The following RNF135 variants were observed in gnomAD, a reference collection of about 807,000 sequenced individuals.
The protein encoded by RNF135 is ring finger protein 135.
A neutral mutation model predicts 41.9 loss-of-function variants in RNF135; 46 were observed. The ratio of observed to expected loss-of-function variants is 1.10; its 90% confidence interval spans 0.87 to 1.40. The LOEUF is 1.40. RNF135 is among the 40% of genes most tolerant of loss of function. RNF135 has a pLI of 0.00. For synonymous variants in RNF135, 238 were observed against 223.8 expected (o/e 1.06, Z -0.57); for missense variants, 539 against 549.8 (o/e 0.98, Z 0.20).
At chr17:30,976,004 A>T (rs536460680) in intron 1 of RNF135, 13 of 340,642 alleles carry the variant, frequency 3.8e-5, no homozygotes, top group South Asian at 1.2e-4. Flanking sequence ...TACTAAAAAA[A>T]TTTTTTTTGT....
intron 3 of RNF135, among the ~76,000 whole-genome samples, chr17:30,996,373 C>G (rs1047520497): frequency 2.6e-5 from 4 of 152,216 alleles, no homozygotes; most frequent in Non-Finnish European, 5.9e-5. Flanking sequence ...CAGGTGTGAA[C>G]CACTGCGCCC....
intron 3 of RNF135, 83 bp downstream of exon 3, chr17:30,988,189 G>C (rs1907726343): frequency 7.5e-7 from 1 of 1,341,918 alleles, no homozygotes; most frequent in African/African-American, 1.4e-5. Context: ...TTGTTCTCTG[G>C]GGATAGGATC....
intron 1 of RNF135, among the ~76,000 whole-genome samples, chr17:30,979,391 G>T (rs1598084428): frequency 1.6e-5 from 2 of 123,274 alleles, no homozygotes; most frequent in African/African-American, 6.4e-5. Context: ...CCTCCCGGAC[G>T]GGGCGGCTGG....
At chr17:30,983,352 TA>T (rs368278795) in intron 1 of RNF135, among the ~76,000 whole-genome samples, 22 of 43,426 alleles carry the variant, frequency 5.1e-4, no homozygotes, top group African/African-American at 1.4e-3. Flanking sequence ...TATATATATA[TA>T]TTTTTTTTTT....
At chr17:30,995,992 G>T (rs995723994) in intron 3 of RNF135, among the ~76,000 whole-genome samples, 2 of 151,716 alleles carry the variant, frequency 1.3e-5, no homozygotes, top group African/African-American at 4.8e-5. Context: ...GGCCAGGCAG[G>T]TCTCGAACTC....
intron 1 of RNF135, among the ~76,000 whole-genome samples, chr17:30,983,312 TATATGTAC>T (rs1216649094): frequency 1.6e-5 from 1 of 62,492 alleles, no homozygotes; most frequent in African/African-American, 5.3e-5. Flanking sequence ...TCTAATTACA[TATATGTAC>T]ATATATATAT....
At chr17:30,963,028 T>A in the RNF135 span, among the ~76,000 whole-genome samples, 30,856 of 151,052 alleles carry the variant, frequency 0.2, 10,028 homozygotes, top group African/African-American at 0.69. Flanking sequence ...AATGTCGAAG[T>A]CCTATTATGT....
At chr17:30,979,548 T>A (rs1362407246) in intron 1 of RNF135, among the ~76,000 whole-genome samples, 1 of 5,040 alleles carries the variant, frequency 2.0e-4, no homozygotes, top group Non-Finnish European at 4.5e-4. Context: ...CCCCCCCGCC[T>A]CCCTCCCGGA....
chr17:30,991,037 A>T (rs1907951686), intron 3 of RNF135, among the ~76,000 whole-genome samples: 1 of 152,248 alleles, frequency 6.6e-6, no homozygotes, highest in South Asian at 2.1e-4. Context: ...TTGCTGGGTC[A>T]TAGGGTAAAT....
intron 2 of RNF135, among the ~76,000 whole-genome samples, chr17:30,986,003 C>T (rs1474954463): frequency 1.3e-5 from 2 of 152,160 alleles, no homozygotes; most frequent in East Asian, 1.9e-4. Flanking sequence ...CTAGCTAGAA[C>T]GTCATTTCTT....
chr17:30,983,546 G>A (rs1315657700), intron 1 of RNF135, among the ~76,000 whole-genome samples: 1 of 150,630 alleles, frequency 6.6e-6, no homozygotes, highest in South Asian at 2.1e-4. Flanking sequence ...TAGAGATGGG[G>A]TTTCACCAGG....
chr17:30,971,537 G>T, intron 1 of RNF135, 92 bp downstream of exon 1: 1 of 1,384,934 alleles, frequency 7.2e-7, no homozygotes, highest in Non-Finnish European at 9.3e-7. Flanking sequence ...TTCCTCAGCC[G>T]TTCTACTTTT....
At chr17:30,986,496 A>T (rs1294650580) in intron 2 of RNF135, among the ~76,000 whole-genome samples, 1 of 152,144 alleles carries the variant, frequency 6.6e-6, no homozygotes, top group Non-Finnish European at 1.5e-5. Flanking sequence ...TGCCTGGCTG[A>T]TGCTTTTGTT....
rs58023443 is a variant in RNF135, at chr17:30,993,040, T to TTTATTATTATTATTA, written c.680-4183_680-4169dup. ...ATCCTAGTGCATTTTGTTTTATTTG[T>TTTATTATTATTATTA]TTATTATTATTATTATTATTATTAT... On this transcript the variant is annotated intron_variant, in intron 3 of 4. Transcript: ENST00000328381. Among the ~76,000 whole-genome samples, 404 of 146,284 alleles carry TTTATTATTATTATTA rather than the reference T, an allele frequency of 2.8e-3. 3 individuals are homozygous for TTTATTATTATTATTA. Among genetic ancestry groups the TTTATTATTATTATTA allele is most frequent in the African/African-American group, 9.8e-3 (381 of 38,758 alleles).
intron 3 of RNF135, 83 bp downstream of exon 3, chr17:30,988,189 G>T: frequency 3.0e-6 from 4 of 1,341,912 alleles, no homozygotes; most frequent in Non-Finnish European, 4.2e-6. Flanking sequence ...TTGTTCTCTG[G>T]GGATAGGATC....
intron 1 of RNF135, chr17:30,975,352 G>A: frequency 2.7e-6 from 2 of 727,346 alleles, no homozygotes; most frequent in Non-Finnish European, 2.5e-6. Flanking sequence ...ACTTATGCCT[G>A]CACCTGAGCC....
intron 1 of RNF135, among the ~76,000 whole-genome samples, chr17:30,974,371 AT>A (rs1482609058): frequency 6.6e-6 from 1 of 151,764 alleles, no homozygotes; most frequent in African/African-American, 2.4e-5. Flanking sequence ...TTTCCCCAAG[AT>A]TGTTTTTGTT....
At chr17:30,990,180 A>G (rs1418756604) in intron 3 of RNF135, among the ~76,000 whole-genome samples, 1 of 152,092 alleles carries the variant, frequency 6.6e-6, no homozygotes, top group Admixed American at 6.6e-5. Context: ...TACAAATTTA[A>G]GATCAATTTT....
chr17:30,959,307 G>C, the RNF135 span: 1 of 152,216 alleles, frequency 6.6e-6, no homozygotes, highest in African/African-American at 2.4e-5. Flanking sequence ...AAGAGATAAA[G>C]TCCTAATGAA....
Sources: allele counts gnomAD v4.1 joint callset (sites outside exome capture counted in the v4.1 genomes callset), GRCh38; gene constraint gnomAD v4.1.1; transcripts MANE v1.5; gene names NCBI Gene and HGNC (gene_info 2026-07-23, HGNC 2026-07-21).